ERICH1: variants seen among roughly 807,000 people sequenced by gnomAD.
ERICH1 encodes glutamate rich 1, also known as glutamate-rich protein 1.
In ERICH1, 56 loss-of-function variants were observed where a neutral mutation model predicts 39.6. The observed-to-expected ratio is 1.41, with a 90% CI of 1.14 to 1.77. The LOEUF (loss-of-function observed/expected upper bound fraction) is 1.77. Ranked by LOEUF, ERICH1 falls within the 40% of genes most tolerant of loss-of-function variation. ERICH1 has a pLI of 0.00. For missense variants in ERICH1, 826 were observed against 575.4 expected (o/e 1.44, Z -4.45); for synonymous variants, 313 against 223.6 (o/e 1.40, Z -3.57).
At chr8:668,557 G>A (rs1417253391) in intron 5 of ERICH1, 41 bp downstream of exon 5, 8 of 1,610,270 alleles carry the variant, frequency 5.0e-6, no homozygotes, top group Non-Finnish European at 8.5e-7. Flanking sequence ...CTCGATGAGA[G>A]TATCTTAAGC....
At chr8:699,526 C>A (rs1811190498) in intron 2 of ERICH1, among the ~76,000 whole-genome samples, 1 of 152,208 alleles carries the variant, frequency 6.6e-6, no homozygotes, top group Non-Finnish European at 1.5e-5. Flanking sequence ...CCTCCCCACC[C>A]CTCAGGGTGA....
intron 1 of ERICH1, among the ~76,000 whole-genome samples, chr8:721,260 A>G (rs1289321822): frequency 6.6e-6 from 1 of 152,264 alleles, no homozygotes; most frequent in Non-Finnish European, 1.5e-5. Flanking sequence ...ATTTTTTAAA[A>G]AATATAATTT....
intron 2 of ERICH1, among the ~76,000 whole-genome samples, chr8:713,256 C>A (rs954002979): frequency 6.6e-6 from 1 of 152,256 alleles, no homozygotes; most frequent in African/African-American, 2.4e-5. Context: ...GGGGTTAGGG[C>A]TTCAACATAC....
chr8:660,959 C>G (rs1801345768), downstream of ERICH1, among the ~76,000 whole-genome samples: 1 of 152,178 alleles, frequency 6.6e-6, no homozygotes, highest in African/African-American at 2.4e-5. Flanking sequence ...TCCTGGGATA[C>G]CTGCTCCTCC....
At chr8:713,475 G>A (rs1057417170) in intron 2 of ERICH1, among the ~76,000 whole-genome samples, 1 of 152,160 alleles carries the variant, frequency 6.6e-6, no homozygotes, top group Non-Finnish European at 1.5e-5. Flanking sequence ...TTTGTCCCAT[G>A]GGAAAAGCAT....
At chr8:689,726 G>A (rs140044385) in intron 3 of ERICH1, among the ~76,000 whole-genome samples, 18 of 152,294 alleles carry the variant, frequency 1.2e-4, no homozygotes, top group East Asian at 3.9e-4. Context: ...GGTGCCCAGC[G>A]TCCCCACAGT....
At chr8:730,996 G>A in intron 1 of ERICH1, 144 bp downstream of exon 1, 1 of 977,394 alleles carries the variant, frequency 1.0e-6, no homozygotes, top group African/African-American at 1.7e-5. Context: ...GGATGGGTAG[G>A]GACTGGGGTG....
At chr8:662,665 T>A (rs1801600905), downstream of ERICH1, among the ~76,000 whole-genome samples, 1 of 151,782 alleles carries the variant, frequency 6.6e-6, no homozygotes, top group Non-Finnish European at 1.5e-5. Flanking sequence ...AAAATAAAAA[T>A]AAAAAATAAA....
intron 3 of ERICH1, among the ~76,000 whole-genome samples, chr8:676,587 GTAAC>G (rs1472311089): frequency 1.3e-5 from 2 of 152,196 alleles, no homozygotes; most frequent in Non-Finnish European, 2.9e-5. Context: ...TATCAGATAA[GTAAC>G]TGGCGCCATG....
intron 5 of ERICH1, among the ~76,000 whole-genome samples, chr8:665,210 C>A (rs1802007154): frequency 6.6e-6 from 1 of 152,178 alleles, no homozygotes; most frequent in African/African-American, 2.4e-5. Flanking sequence ...TCACCACCAA[C>A]CCTCAGAGCT....
At chr8:707,497 G>C (rs565669471) in intron 2 of ERICH1, among the ~76,000 whole-genome samples, 1 of 152,184 alleles carries the variant, frequency 6.6e-6, no homozygotes, top group East Asian at 1.9e-4. Flanking sequence ...GTGAGCCACC[G>C]CACCTGGCTG....
intron 1 of ERICH1, among the ~76,000 whole-genome samples, chr8:721,476 G>A (rs1327823586): frequency 6.6e-6 from 1 of 152,348 alleles, no homozygotes; most frequent in Non-Finnish European, 1.5e-5. Context: ...GAGCTGACAA[G>A]CGCCGAGCGT....
chr8:695,541 C>T lies in ERICH1; in HGVS notation c.170-2929G>A, dbSNP rs554006689. ...CCTGCACCTGTGCTTGCTCCTCTCGCCCTCCACTCCTCTCCTTCCTCCCCA... is the reference window on the plus strand; with the variant it reads ...CCTGCACCTGTGCTTGCTCCTCTCGTCCTCCACTCCTCTCCTTCCTCCCCA... On this transcript the variant is annotated intron_variant, in intron 2 of 5. Transcript: ENST00000262109. 1.2e-3 allele frequency among the ~76,000 whole-genome samples: 150 copies of T among 129,404 alleles called. 1 individual carries two copies. Among genetic ancestry groups the T allele is most frequent in the African/African-American group, 4.0e-3 (145 of 36,184 alleles). 84.9% of individuals were successfully genotyped at this position (129,404 alleles called of 152,430 possible). A position where few individuals can be genotyped will look rare whatever the true frequency, so the allele number is the denominator to read the frequency against.
chr8:720,085 T>G (rs1816942713), intron 1 of ERICH1, among the ~76,000 whole-genome samples: 1 of 152,226 alleles, frequency 6.6e-6, no homozygotes, highest in African/African-American at 2.4e-5. Flanking sequence ...TCCTCTTGTC[T>G]TCTGAACACA....
intron 3 of ERICH1, chr8:616,358 G>A (rs1289167677): frequency 1.7e-5 from 6 of 343,870 alleles, no homozygotes; most frequent in East Asian, 8.0e-5. Flanking sequence ...GGCTCCTGTC[G>A]GCCAGGTGTG....
chr8:712,334 T>C (rs940129779), intron 2 of ERICH1, among the ~76,000 whole-genome samples: 2 of 152,218 alleles, frequency 1.3e-5, no homozygotes, highest in East Asian at 1.9e-4. Context: ...CAGAGTTCTA[T>C]AGCTTCTTCA....
intron 3 of ERICH1, among the ~76,000 whole-genome samples, chr8:631,066 A>T (rs1798006022): frequency 6.6e-6 from 1 of 151,670 alleles, no homozygotes; most frequent in South Asian, 2.1e-4. Flanking sequence ...GACAGAGCTG[A>T]CTCATACCCT....
rs1479305032 is a variant in ERICH1, at chr8:700,290, GGCCCGGACAC to G, written c.170-7688_170-7679del. The stretch of plus-strand genomic sequence containing the variant: ...CCGCACAGGCGCACAGACCCGCACA[GGCCCGGACAC>G]GCGCACAGACCCGCACACGCGCACA... On this transcript the variant is annotated intron_variant, in intron 2 of 5. Coordinates refer to ENST00000262109, the MANE Select transcript of ERICH1 (RefSeq NM_207332.3). 8.1e-4 allele frequency among the ~76,000 whole-genome samples: 53 copies of G among 65,034 alleles called. 22 individuals are homozygous for G. Among genetic ancestry groups the G allele is most frequent in the Non-Finnish European group, 1.5e-3 (41 of 28,248 alleles). The allele number at this position is 65,034 out of a possible 152,430, so 42.7% of individuals were successfully genotyped here.
intron 3 of ERICH1, among the ~76,000 whole-genome samples, chr8:674,263 T>C (rs1488961471): frequency 6.6e-6 from 1 of 151,426 alleles, no homozygotes; most frequent in Non-Finnish European, 1.5e-5. Context: ...AATCATAATA[T>C]ATGGTGTGTT....
Sources: gnomAD v4.1 joint callset for allele counts (sites outside exome capture counted in the v4.1 genomes callset) on GRCh38, gnomAD v4.1.1 for gene constraint, MANE v1.5 for transcripts, NCBI Gene and HGNC (gene_info 2026-07-23, HGNC 2026-07-21) for gene names.